The following ROBO1 variants were observed in gnomAD, a reference collection of about 807,000 sequenced individuals.
ROBO1 encodes the protein roundabout homolog 1.
A neutral mutation model predicts 195.9 loss-of-function variants in ROBO1; 149 were observed. The observed-to-expected ratio is 0.76, with a 90% CI of 0.67 to 0.87. The LOEUF is 0.87. Among genes scored for constraint, ROBO1 ranks in the 40% least tolerant of loss-of-function variants. The pLI is 0.00. For synonymous variants in ROBO1, 816 were observed against 733.2 expected (o/e 1.11, Z -1.82); for missense variants, 1,933 against 2,068.3 (o/e 0.93, Z 1.27).
At chr3:79,091,913 C>A (rs901045333) in intron 3 of ROBO1, among the ~76,000 whole-genome samples, 2 of 152,026 alleles carry the variant, frequency 1.3e-5, no homozygotes, top group South Asian at 4.1e-4. Context: ...TCAGGTCCAC[C>A]TCAGGTATCA....
At chr3:79,573,228 T>C (rs1386672676) in intron 2 of ROBO1, among the ~76,000 whole-genome samples, 1 of 152,026 alleles carries the variant, frequency 6.6e-6, no homozygotes, top group Non-Finnish European at 1.5e-5. Context: ...TTTAAATATT[T>C]TGTAGAGATG....
intron 2 of ROBO1, among the ~76,000 whole-genome samples, chr3:79,479,410 G>A (rs76670555): frequency 6.6e-6 from 1 of 152,164 alleles, no homozygotes; most frequent in Non-Finnish European, 1.5e-5. Context: ...TTTCTGACAG[G>A]AGGCAGAGCT....
chr3:79,057,767 ATG>A, intron 3 of ROBO1, among the ~76,000 whole-genome samples: 1 of 151,956 alleles, frequency 6.6e-6, no homozygotes, highest in African/African-American at 2.4e-5. Flanking sequence ...TATTGGGCTT[ATG>A]TGCCTTTTCC....
intron 2 of ROBO1, among the ~76,000 whole-genome samples, chr3:79,354,298 A>C (rs1208542320): frequency 6.6e-6 from 1 of 152,188 alleles, no homozygotes; most frequent in Non-Finnish European, 1.5e-5. Flanking sequence ...TATTTTCTTC[A>C]CTGTTTTCAA....
intron 2 of ROBO1, among the ~76,000 whole-genome samples, chr3:79,207,341 A>G (rs1057028930): frequency 8.5e-5 from 13 of 152,180 alleles, no homozygotes; most frequent in South Asian, 2.1e-4. Flanking sequence ...GAAGGAGGTC[A>G]ATCATGGCCA....
intron 3 of ROBO1, among the ~76,000 whole-genome samples, chr3:78,949,935 G>GAA (rs1431310936): frequency 6.6e-6 from 1 of 152,190 alleles, no homozygotes; most frequent in Non-Finnish European, 1.5e-5. Flanking sequence ...GGCCATCAGA[G>GAA]AAATGCAAAT....
chr3:78,836,962 A>G (rs1182886647), intron 4 of ROBO1, among the ~76,000 whole-genome samples: 1 of 152,174 alleles, frequency 6.6e-6, no homozygotes, highest in Non-Finnish European at 1.5e-5. Flanking sequence ...CTTTCTGTCC[A>G]TTTATTAAAG....
intron 26 of ROBO1, among the ~76,000 whole-genome samples, chr3:78,624,334 T>A (rs1704629295): frequency 6.6e-6 from 1 of 152,140 alleles, no homozygotes; most frequent in African/African-American, 2.4e-5. Flanking sequence ...ACATTAATCA[T>A]AAAAAAGCAG....
At chr3:78,992,599 C>A (rs1178585040) in intron 3 of ROBO1, among the ~76,000 whole-genome samples, 3 of 152,140 alleles carry the variant, frequency 2.0e-5, no homozygotes, top group Admixed American at 6.6e-5. Context: ...CTGTTTAAAA[C>A]AGTGTGAGTC....
chr3:78,767,960 C>CTGGGTT (rs1488757957), intron 4 of ROBO1, among the ~76,000 whole-genome samples: 3 of 151,678 alleles, frequency 2.0e-5, no homozygotes, highest in Non-Finnish European at 4.4e-5. Context: ...CTTTCTTCTG[C>CTGGGTT]TGGGTTTGGG....
intron 4 of ROBO1, among the ~76,000 whole-genome samples, chr3:78,888,282 G>A (rs2036679557): frequency 6.6e-6 from 1 of 152,188 alleles, no homozygotes; most frequent in Non-Finnish European, 1.5e-5. Flanking sequence ...AGTAAAAGGA[G>A]TTCTAATGTA....
chr3:79,247,129 GT>G lies in ROBO1; in HGVS notation c.89-121591del, dbSNP rs575917340. ...AAAAGCATTAAGGCTCCTGTTTACTGTTTTTTTTTTTTTGTAAGAAGTATAA... is the reference window on the plus strand; with the variant it reads ...AAAAGCATTAAGGCTCCTGTTTACTGTTTTTTTTTTTTGTAAGAAGTATAA... On this transcript the variant is annotated intron_variant, in intron 2 of 30. Coordinates refer to ENST00000464233, the MANE Select transcript of ROBO1 (RefSeq NM_002941.4). Among the ~76,000 whole-genome samples, 345 of 134,640 alleles carry G rather than the reference GT, an allele frequency of 2.6e-3. 2 individuals carry two copies. The highest frequency in any genetic ancestry group is 7.6e-3 in the Middle Eastern group (2 of 262). The allele number at this position is 134,640 out of a possible 152,430, so 88.3% of individuals were successfully genotyped here. A position where few individuals can be genotyped will look rare whatever the true frequency, so the allele number is the denominator to read the frequency against.
chr3:79,487,052 C>T (rs1467940578), intron 2 of ROBO1, among the ~76,000 whole-genome samples: 1 of 151,320 alleles, frequency 6.6e-6, no homozygotes. Context: ...AGGTCCTTTT[C>T]CTTTGTCTTG....
At chr3:79,681,817 G>A (rs1181111850) in intron 1 of ROBO1, among the ~76,000 whole-genome samples, 7 of 151,854 alleles carry the variant, frequency 4.6e-5, no homozygotes, top group Non-Finnish European at 2.9e-5. Flanking sequence ...ACAGACAATG[G>A]ATATCATTCA....
At chr3:78,950,291 GA>G in intron 3 of ROBO1, among the ~76,000 whole-genome samples, 1 of 152,102 alleles carries the variant, frequency 6.6e-6, no homozygotes, top group East Asian at 1.9e-4. Flanking sequence ...ACTGGATTAA[GA>G]AAATGCGGCA....
intron 1 of ROBO1, among the ~76,000 whole-genome samples, chr3:79,610,780 C>T (rs1944633529): frequency 6.6e-6 from 1 of 151,984 alleles, no homozygotes; most frequent in South Asian, 2.1e-4. Flanking sequence ...AGAAGGGATA[C>T]CATGTTAGTT....
chr3:79,020,357 A>T (rs2078073106), intron 3 of ROBO1, among the ~76,000 whole-genome samples: 1 of 152,244 alleles, frequency 6.6e-6, no homozygotes, highest in Non-Finnish European at 1.5e-5. Context: ...TCTGAAAGGC[A>T]TTCATTCATT....
intron 2 of ROBO1, among the ~76,000 whole-genome samples, chr3:79,464,700 T>G (rs1457157373): frequency 2.0e-5 from 3 of 152,246 alleles, no homozygotes; most frequent in African/African-American, 7.2e-5. Flanking sequence ...TCTTTTATTT[T>G]CTTGATGATA....
At chr3:79,345,990 T>C (rs1003757653) in intron 2 of ROBO1, among the ~76,000 whole-genome samples, 1 of 152,200 alleles carries the variant, frequency 6.6e-6, no homozygotes, top group Admixed American at 6.5e-5. Flanking sequence ...GTAAACACAC[T>C]GAAATATTTC....
Sources: gnomAD v4.1 joint callset for allele counts (sites outside exome capture counted in the v4.1 genomes callset) on GRCh38, gnomAD v4.1.1 for gene constraint, MANE v1.5 for transcripts, NCBI Gene and HGNC (gene_info 2026-07-23, HGNC 2026-07-21) for gene names.